Variants in ECPAS observed in about 807,000 individuals in gnomAD.
ECPAS encodes the protein Ecm29 proteasome adaptor and scaffold.
In ECPAS, 70 loss-of-function variants were observed where a neutral mutation model predicts 255.1. That is an observed-to-expected ratio of 0.27 (90% CI 0.23 to 0.33). The LOEUF is 0.33. Among genes scored for constraint, ECPAS ranks in the 10% least tolerant of loss-of-function variants. The probability of loss-of-function intolerance (pLI) is 1.00; values close to 1 mark genes in which losing one functional copy is unlikely to be tolerated. For missense variants in ECPAS, 1,817 were observed against 2,206.4 expected (o/e 0.82, Z 3.54); for synonymous variants, 784 against 775.0 (o/e 1.01, Z -0.19).
chr9:111,416,284 T>C lies in ECPAS; in HGVS notation c.1752A>G (p.Ala584=). Residue 584 remains alanine, a synonymous_variant, in exon 18 of 50, where the codon GCA becomes GCG. Transcript: ENST00000684092. ...ATGAAAGTTCTACCTCTCCAAAGGC[T>C]GCTGGGTTAAATGGAAGGACAGTGG... ...TGTTVLPFNP[A]AFGEIVLYLR... is the part of the protein sequence containing the mutation. 6.2e-7 allele frequency: 1 copy of C among 1,612,872 alleles called. No homozygotes were observed. The highest frequency in any genetic ancestry group is 8.5e-7 in the Non-Finnish European group (1 of 1,178,908).
chr9:111,435,294 A>C (rs1378823800), intron 7 of ECPAS, among the ~76,000 whole-genome samples: 1 of 152,244 alleles, frequency 6.6e-6, no homozygotes, highest in Non-Finnish European at 1.5e-5. Flanking sequence ...AAAAAGTATA[A>C]AACAAAGAGA....
intron 3 of ECPAS, among the ~76,000 whole-genome samples, chr9:111,448,490 C>G (rs1344860460): frequency 6.6e-6 from 1 of 152,104 alleles, no homozygotes; most frequent in African/African-American, 2.4e-5. Context: ...CAAAATGCAG[C>G]AAGCCAAGAT....
chr9:111,470,519 C>A (rs902671619), intron 2 of ECPAS, among the ~76,000 whole-genome samples: 2 of 152,076 alleles, frequency 1.3e-5, no homozygotes, highest in Non-Finnish European at 2.9e-5. Flanking sequence ...ACTGTGTTAC[C>A]CGTGATGGTC....
chr9:111,375,087 T>C (rs757902748), intron 38 of ECPAS, 26 bp downstream of exon 38: 13 of 1,540,138 alleles, frequency 8.4e-6, no homozygotes, highest in Middle Eastern at 1.7e-4. Context: ...AAGATGCACA[T>C]TTCCTCTTGT....
rs2098112802 is a variant in ECPAS at position 111,361,055 on chromosome 9, G to C, written c.*975C>G. The C allele has an allele frequency of 6.6e-6, 1 of 152,174 alleles. No homozygotes were observed. The highest frequency in any genetic ancestry group is 6.5e-5 in the Admixed American group (1 of 15,270). The allele number at this position is 152,174 out of a possible 1,614,324, so 9.4% of individuals were successfully genotyped here. On this transcript the variant is annotated 3_prime_UTR_variant, in exon 50 of 50. Coordinates refer to ENST00000684092, the MANE Select transcript of ECPAS (RefSeq NM_001364929.1). The stretch of plus-strand genomic sequence containing the variant: ...TTTTGAGAAAAGGCATTTTTTAAAA[G>C]AGTAATTCCCAGGTGGCTAATTAAA...
chr9:111,438,718 T>C (rs541767000), intron 6 of ECPAS, among the ~76,000 whole-genome samples: 1 of 152,304 alleles, frequency 6.6e-6, no homozygotes, highest in African/African-American at 2.4e-5. Flanking sequence ...CATCTGCCAT[T>C]CTATCAGATG....
chr9:111,472,985 C>A lies in ECPAS; in HGVS notation c.-67G>T. 1 of 1,144,704 alleles carries A rather than the reference C, an allele frequency of 8.7e-7. No homozygotes were observed. The highest frequency in any genetic ancestry group is 1.9e-5 in the South Asian group (1 of 52,270). 70.9% of individuals were successfully genotyped at this position (1,144,704 alleles called of 1,614,324 possible). ...GTACGTTCATCCACTCGTACATATG[C>A]AATTGTATAAAGAATCTATTATTTA... On this transcript the variant is annotated 5_prime_UTR_variant, in exon 2 of 50. Transcript: ENST00000684092.
intron 2 of ECPAS, among the ~76,000 whole-genome samples, chr9:111,458,792 T>A (rs2098269921): frequency 6.6e-6 from 1 of 152,186 alleles, no homozygotes; most frequent in Non-Finnish European, 1.5e-5. Flanking sequence ...TATCACACAT[T>A]GCTATACTGG....
intron 48 of ECPAS, 66 bp from the exon 49 acceptor site, chr9:111,363,725 G>A: frequency 1.3e-6 from 1 of 783,132 alleles, no homozygotes; most frequent in Non-Finnish European, 2.1e-6. Context: ...GATTAAATTT[G>A]TGTTGCTGAA....
rs962945440 is a variant in ECPAS, at chr9:111,384,659, A to T, written c.3634-90T>A. 1.4e-5 allele frequency: 16 copies of T among 1,147,938 alleles called. No homozygotes were observed. In the East Asian group the frequency reaches 3.6e-4, roughly 26 times the overall value. The allele number at this position is 1,147,938 out of a possible 1,614,324, so 71.1% of individuals were successfully genotyped here. A position where few individuals can be genotyped will look rare whatever the true frequency, so the allele number is the denominator to read the frequency against. On this transcript the variant is annotated intron_variant, in intron 33 of 49. Coordinates refer to ENST00000684092, the MANE Select transcript of ECPAS (RefSeq NM_001364929.1). ...TTGCAATTTAATTGCCTCAGGCCCT[A>T]CAGAGATTTGGTGGAAAATCTTACA...
intron 10 of ECPAS, among the ~76,000 whole-genome samples, chr9:111,426,094 G>A (rs2098221153): frequency 6.6e-6 from 1 of 152,196 alleles, no homozygotes; most frequent in Non-Finnish European, 1.5e-5. Flanking sequence ...AGTACACACT[G>A]CAGTGGGTCA....
intron 35 of ECPAS, among the ~76,000 whole-genome samples, chr9:111,379,844 A>G (rs2131552669): frequency 6.6e-6 from 1 of 152,334 alleles, no homozygotes; most frequent in Admixed American, 6.5e-5. Flanking sequence ...AAGTTTCATC[A>G]GGAGATTGCA....
chr9:111,439,699 T>A (rs1376120183), intron 6 of ECPAS, among the ~76,000 whole-genome samples: 1 of 152,140 alleles, frequency 6.6e-6, no homozygotes, highest in African/African-American at 2.4e-5. Flanking sequence ...ATGAAATGCA[T>A]GAGTGTATTA....
chr9:111,366,112 A>C (rs1207648343), intron 48 of ECPAS, 127 bp downstream of exon 48: 17 of 627,000 alleles, frequency 2.7e-5, no homozygotes, highest in Non-Finnish European at 4.5e-5. Context: ...ATGGAGTATA[A>C]TAAGTAGCAG....
chr9:111,410,926 T>G, intron 22 of ECPAS, 54 bp downstream of exon 22: 17 of 1,525,242 alleles, frequency 1.1e-5, no homozygotes, highest in Non-Finnish European at 1.4e-5. Context: ...CATATTAAAA[T>G]TTAACATAAT....
intron 2 of ECPAS, among the ~76,000 whole-genome samples, chr9:111,469,065 G>A (rs926171200): frequency 6.6e-6 from 1 of 152,170 alleles, no homozygotes; most frequent in Admixed American, 6.5e-5. Context: ...AATGAGGCCA[G>A]CAGGATGCTT....
intron 2 of ECPAS, among the ~76,000 whole-genome samples, chr9:111,464,634 G>C (rs1187605461): frequency 6.6e-6 from 1 of 152,156 alleles, no homozygotes; most frequent in Non-Finnish European, 1.5e-5. Flanking sequence ...GAGCCAACAA[G>C]ACCATATCTG....
intron 26 of ECPAS, 31 bp from the exon 27 acceptor site, chr9:111,393,765 G>A: frequency 7.1e-7 from 1 of 1,407,620 alleles, no homozygotes; most frequent in Non-Finnish European, 1.0e-6. Flanking sequence ...TTAGAACACT[G>A]AAACTCTACC....
intron 7 of ECPAS, among the ~76,000 whole-genome samples, chr9:111,436,034 A>C (rs548663800): frequency 6.9e-6 from 1 of 144,082 alleles, no homozygotes; most frequent in Non-Finnish European, 1.5e-5. Context: ...TTTAAGGAGG[A>C]AAAAAAAAAA....
Sources: allele counts gnomAD v4.1 joint callset (sites outside exome capture counted in the v4.1 genomes callset), GRCh38; gene constraint gnomAD v4.1.1; transcripts MANE v1.5; gene names NCBI Gene and HGNC (gene_info 2026-07-23, HGNC 2026-07-21).